Variants in PCDHGB1 observed in about 807,000 individuals in gnomAD.
PCDHGB1 encodes the protein protocadherin gamma-B1.
Under a neutral mutation model 56.6 loss-of-function variants are expected in PCDHGB1, and 34 were observed. The observed-to-expected ratio is 0.60, with a 90% CI of 0.46 to 0.80. The LOEUF (loss-of-function observed/expected upper bound fraction) is 0.80. Ranked by LOEUF, PCDHGB1 falls within the 30% of genes least tolerant of loss-of-function variation. PCDHGB1 has a pLI of 0.00. For missense variants in PCDHGB1, 1,278 were observed against 1,204.6 expected (o/e 1.06, Z -0.90); for synonymous variants, 561 against 505.9 (o/e 1.11, Z -1.46).
chr5:141,382,218 T>C (rs188591705), intron 1 of PCDHGB1, among the ~76,000 whole-genome samples: 1 of 152,328 alleles, frequency 6.6e-6, no homozygotes, highest in East Asian at 1.9e-4. Flanking sequence ...TAGGTCTATA[T>C]ATTTTACAAC....
chr5:141,365,321 G>A lies in PCDHGB1; in HGVS notation c.2409+12652G>A, dbSNP rs552296703. On this transcript the variant is annotated intron_variant, in intron 1 of 3. Coordinates refer to ENST00000523390, the MANE Select transcript of PCDHGB1 (RefSeq NM_018922.3). ...GGATGGAGGCGCTCTTGTTGCCAGC[G>A]CTAAGGTGGTGGTCACAGTACAGGA... 3.1e-6 allele frequency: 5 copies of A among 1,613,828 alleles called. No homozygotes were observed. In the South Asian group the frequency reaches 4.4e-5, roughly 14 times the overall value.
chr5:141,409,106 A>T (rs1474106494), intron 1 of PCDHGB1: 1 of 1,613,930 alleles, frequency 6.2e-7, no homozygotes, highest in East Asian at 2.2e-5. Context: ...AGGTATGATT[A>T]AGAATAACCA....
chr5:141,353,400 T>C (rs1407556108), intron 1 of PCDHGB1, among the ~76,000 whole-genome samples: 1 of 152,244 alleles, frequency 6.6e-6, no homozygotes, highest in Admixed American at 6.5e-5. Context: ...GTAATTAATG[T>C]AATCTTCATC....
intron 1 of PCDHGB1, chr5:141,419,739 G>T: frequency 6.2e-7 from 1 of 1,613,770 alleles, no homozygotes; most frequent in South Asian, 1.1e-5. Context: ...GGCGAGGTGC[G>T]CATGGTGCGT....
At chr5:141,404,888 G>A (rs778498828) in intron 1 of PCDHGB1, 9 of 1,613,762 alleles carry the variant, frequency 5.6e-6, no homozygotes, top group East Asian at 2.2e-5. Context: ...TGTGGTGGCT[G>A]TACAGGACCA....
chr5:141,370,214 C>T (rs988145754), intron 1 of PCDHGB1: 21 of 565,608 alleles, frequency 3.7e-5, no homozygotes, highest in African/African-American at 3.8e-5. Context: ...ATTGGCTCCT[C>T]CCGCTGCAGC....
At chr5:141,405,369 T>C in intron 1 of PCDHGB1, 3 of 1,606,526 alleles carry the variant, frequency 1.9e-6, no homozygotes, top group Non-Finnish European at 2.5e-6. Context: ...GACACCCCTT[T>C]GGTTCCGGTG....
At position 141,485,122 on chromosome 5, in the gene PCDHGB1, G is replaced by A. The variant is rs1000179570; in HGVS notation, c.2410-9685G>A. The A allele has an allele frequency of 1.4e-6, 2 of 1,387,624 alleles. No individual in the cohort carries two copies. The highest frequency in any genetic ancestry group is 1.4e-5 in the African/African-American group (1 of 70,566). 86.0% of individuals were successfully genotyped at this position (1,387,624 alleles called of 1,614,324 possible). A position where few individuals can be genotyped will look rare whatever the true frequency, so the allele number is the denominator to read the frequency against. Reference sequence around the variant, plus strand: ...CAGCTGCTGTGGCTGTTTGGGGCGGGTCGGCTTCATCCGCGTCTCAGGAGC... The same window carrying A: ...CAGCTGCTGTGGCTGTTTGGGGCGGATCGGCTTCATCCGCGTCTCAGGAGC... On this transcript the variant is annotated intron_variant, in intron 1 of 3. Coordinates refer to ENST00000523390, the MANE Select transcript of PCDHGB1 (RefSeq NM_018922.3). The surrounding 1 kb of genome is among the most constrained non-coding windows in gnomAD (Gnocchi z 5.7).
intron 1 of PCDHGB1, chr5:141,415,485 T>C (rs2154545779): frequency 6.2e-7 from 1 of 1,614,044 alleles, no homozygotes; most frequent in South Asian, 1.1e-5. Flanking sequence ...CGCGAAAGAG[T>C]CACCTGATCT....
rs781336795 is a variant in PCDHGB1, at chr5:141,477,936, C to T, written c.2410-16871C>T. Reference sequence around the variant, plus strand: ...GATGCAGGGCACAATGCCTGGCTCTCCTACAGTCTCTTGGGATCCCCTAAC... The same window carrying T: ...GATGCAGGGCACAATGCCTGGCTCTTCTACAGTCTCTTGGGATCCCCTAAC... On this transcript the variant is annotated intron_variant, in intron 1 of 3. Transcript: ENST00000523390. This position sits in a 1 kb window ranked among gnomAD's most constrained non-coding sequence, Gnocchi z 4.9. 1.2e-6 allele frequency: 2 copies of T among 1,614,170 alleles called. No homozygotes were observed. The highest frequency in any genetic ancestry group is 1.1e-5 in the South Asian group (1 of 91,088).
intron 1 of PCDHGB1, among the ~76,000 whole-genome samples, chr5:141,463,049 T>C (rs529642816): frequency 3.9e-4 from 60 of 152,326 alleles, no homozygotes; most frequent in African/African-American, 1.3e-3. Context: ...CAGCAGGGTC[T>C]CTTTATTATG....
chr5:141,482,885 A>G (rs1353686606), intron 1 of PCDHGB1, among the ~76,000 whole-genome samples: 2 of 152,202 alleles, frequency 1.3e-5, no homozygotes. Flanking sequence ...CAGCCTGGCC[A>G]ACATGGTGAA....
intron 1 of PCDHGB1, chr5:141,355,155 G>A (rs766569835): frequency 1.3e-6 from 2 of 1,552,396 alleles, no homozygotes; most frequent in Non-Finnish European, 1.7e-6. Flanking sequence ...CTCAGGCCTC[G>A]ACAGAGGGAA....
chr5:141,436,287 T>A (rs565612572), intron 1 of PCDHGB1, among the ~76,000 whole-genome samples: 1 of 152,262 alleles, frequency 6.6e-6, no homozygotes, highest in Admixed American at 6.5e-5. Context: ...TAGGAACAAA[T>A]CATTGAGAGT....
intron 1 of PCDHGB1, chr5:141,360,461 T>C: frequency 6.2e-7 from 1 of 1,613,974 alleles, no homozygotes; most frequent in African/African-American, 1.3e-5. Context: ...TTCGATACTG[T>C]CGCTGAAAAT....
At chr5:141,400,217 T>A (rs771117256) in intron 1 of PCDHGB1, 1 of 1,613,916 alleles carries the variant, frequency 6.2e-7, no homozygotes, top group Non-Finnish European at 8.5e-7. Flanking sequence ...TTGATCTCAG[T>A]GCTCTTCCTC....
rs1348297963 is a variant in PCDHGB1, at chr5:141,487,103, G to A, written c.2410-7704G>A. 6.2e-7 allele frequency: 1 copy of A among 1,614,124 alleles called. No individual in the cohort carries two copies. Among genetic ancestry groups the A allele is most frequent in the Non-Finnish European group, 8.5e-7 (1 of 1,180,000 alleles). On this transcript the variant is annotated intron_variant, in intron 1 of 3. Coordinates refer to ENST00000523390, the MANE Select transcript of PCDHGB1 (RefSeq NM_018922.3). The surrounding 1 kb of genome is among the most constrained non-coding windows in gnomAD (Gnocchi z 5.0). ...AGCTGACCTCCCACCACAGAAGCTG[G>A]TCATTGTGGTAAAGGATAGTGGTAG...
chr5:141,350,771 C>A lies in PCDHGB1; in HGVS notation c.511C>A (p.Pro171Thr). 6.2e-7 allele frequency: 1 copy of A among 1,613,922 alleles called. No homozygotes were observed. Among genetic ancestry groups the A allele is most frequent in the Non-Finnish European group, 8.5e-7 (1 of 1,179,870 alleles). Residue 171 changes from proline (P) to threonine (T), a missense_variant, in exon 1 of 4, where the codon CCC (proline) becomes ACC (threonine). Pro to Thr is a conservative substitution (Grantham distance 38). Transcript: ENST00000523390. ...TTCACTGAAGTTATACACCATCAAC[C>A]CCAATCAATACTTCTCTCTGTCAAC... ...GNSLKLYTINPNQYFSLSTKE... is the reference protein window; with the variant it reads ...GNSLKLYTINTNQYFSLSTKE...
intron 1 of PCDHGB1, chr5:141,417,490 T>C (rs1296739869): frequency 4.7e-6 from 1 of 210,618 alleles, no homozygotes; most frequent in Non-Finnish European, 9.3e-6. Context: ...AAGGAATCAC[T>C]GAGGAAAAAG....
Sources: gnomAD v4.1 joint callset for allele counts (sites outside exome capture counted in the v4.1 genomes callset) on GRCh38, gnomAD v4.1.1 for gene constraint, Gnocchi (gnomAD v3.1) non-coding constraint, MANE v1.5 for transcripts, NCBI Gene and HGNC (gene_info 2026-07-23, HGNC 2026-07-21) for gene names.